The following WDFY3 variants were observed in gnomAD, a reference collection of about 807,000 sequenced individuals.
The protein encoded by WDFY3 is WD repeat and FYVE domain-containing protein 3.
A neutral mutation model predicts 409.6 loss-of-function variants in WDFY3; 66 were observed. That is an observed-to-expected ratio of 0.16 (90% confidence interval 0.13 to 0.20). The LOEUF (loss-of-function observed/expected upper bound fraction) is 0.20, where lower values mean the gene tolerates loss of function less well. Ranked by LOEUF, WDFY3 falls within the 10% of genes least tolerant of loss-of-function variation. The pLI is 1.00. For synonymous variants in WDFY3, 1,521 were observed against 1,537.1 expected, an observed-to-expected ratio of 0.99 and a Z score of 0.25; for missense variants, 3,031 against 4,298.1, an observed-to-expected ratio of 0.71 and a Z score of 8.24.
intron 3 of WDFY3, among the ~76,000 whole-genome samples, chr4:84,889,634 TTC>T (rs1193993808): frequency 1.3e-5 from 2 of 152,328 alleles, no homozygotes; most frequent in East Asian, 3.9e-4. Context: ...GAATTTCAAA[TTC>T]TGTTCCTCCA....
chr4:84,767,296 A>C (rs1043500462), intron 30 of WDFY3, among the ~76,000 whole-genome samples: 8 of 152,176 alleles, frequency 5.3e-5, no homozygotes, highest in African/African-American at 1.7e-4. Context: ...ACTTAGTCAA[A>C]AAATGTGTTT....
At chr4:84,850,926 CTGTTTTTTTTTTTTTTTTT>C (rs1578813147) in intron 4 of WDFY3, among the ~76,000 whole-genome samples, 13 of 32,150 alleles carry the variant, frequency 4.0e-4, no homozygotes, top group East Asian at 1.3e-3. Flanking sequence ...TTTTATTTAT[CTGTTTTTTTTTTTTTTTTT>C]TTTTTTTTTT....
At chr4:84,783,452 A>G (rs1746931591) in intron 24 of WDFY3, among the ~76,000 whole-genome samples, 1 of 152,030 alleles carries the variant, frequency 6.6e-6, no homozygotes, top group Non-Finnish European at 1.5e-5. Flanking sequence ...GGCACTCCAC[A>G]CTCCAGCCTG....
chr4:84,713,715 A>G (rs746370961), intron 50 of WDFY3, among the ~76,000 whole-genome samples: 17 of 152,226 alleles, frequency 1.1e-4, no homozygotes, highest in Non-Finnish European at 1.9e-4. Flanking sequence ...CCTTCAAAGA[A>G]CAAGAGAATG....
chr4:84,820,222 G>T, intron 11 of WDFY3, 36 bp from the exon 12 acceptor site: 1 of 1,505,126 alleles, frequency 6.6e-7, no homozygotes, highest in Non-Finnish European at 9.0e-7. Context: ...TTACAAAAGT[G>T]ATAAGCTTAT....
chr4:84,838,164 A>T (rs894500302), intron 6 of WDFY3, among the ~76,000 whole-genome samples: 34 of 152,234 alleles, frequency 2.2e-4, no homozygotes, highest in African/African-American at 8.2e-4. Flanking sequence ...ACTCCTGACG[A>T]GCCACAATAA....
At chr4:84,881,543 A>G (rs1763531590) in intron 3 of WDFY3, among the ~76,000 whole-genome samples, 1 of 151,830 alleles carries the variant, frequency 6.6e-6, no homozygotes, top group East Asian at 1.9e-4. Context: ...CCAGGAAACA[A>G]CCTAATTGGC....
chr4:84,831,814 G>T (rs1755779245), intron 7 of WDFY3, among the ~76,000 whole-genome samples: 2 of 152,100 alleles, frequency 1.3e-5, no homozygotes, highest in Admixed American at 1.3e-4. Flanking sequence ...AGTTAGAATG[G>T]CTATTATCAA....
chr4:84,906,982 T>C (rs1767128611), intron 2 of WDFY3, among the ~76,000 whole-genome samples: 1 of 152,186 alleles, frequency 6.6e-6, no homozygotes, highest in African/African-American at 2.4e-5. Flanking sequence ...TAAAATTCTT[T>C]ATTATTATTT....
chr4:84,729,682 T>TTA lies in WDFY3; in HGVS notation c.7222-2772_7222-2771insTA, dbSNP rs1736260498. ...CAAAGTTTAAGAAATAAAACTTTAA[T>TTA]GAGTAAAAAAAAAAAATCACCTGAT... On this transcript the variant is annotated intron_variant, in intron 44 of 67. Coordinates refer to ENST00000295888, the MANE Select transcript of WDFY3 (RefSeq NM_014991.6). Among the ~76,000 whole-genome samples the TTA allele has an allele frequency of 1.4e-4, 4 of 28,362 alleles. No homozygotes were observed. In the South Asian group the frequency reaches 7.2e-3, roughly 51 times the overall value. The allele number at this position is 28,362 out of a possible 152,430, so 18.6% of individuals were successfully genotyped here. A position where few individuals can be genotyped will look rare whatever the true frequency, so the allele number is the denominator to read the frequency against.
chr4:84,696,835 G>T lies in WDFY3; in HGVS notation c.8597-12C>A. The stretch of plus-strand genomic sequence containing the variant: ...ATTTTGTTTACAGCCTATGCAATTG[G>T]ATACATTAAAAATAAAAAAAAAGAA... On this transcript the variant is annotated splice_polypyrimidine_tract_variant and intron_variant, in intron 56 of 67. Transcript: ENST00000295888. 1 of 1,604,626 alleles carries T rather than the reference G, an allele frequency of 6.2e-7. No homozygotes were observed. The highest frequency in any genetic ancestry group is 1.3e-5 in the African/African-American group (1 of 74,266).
In WDFY3 at chr4:84,690,591, A is replaced by G. The variant is rs776375575; in HGVS notation, c.9278T>C (p.Val3093Ala). 1 of 1,614,154 alleles carries G rather than the reference A, an allele frequency of 6.2e-7. No individual in the cohort carries two copies. Among genetic ancestry groups the G allele is most frequent in the Non-Finnish European group, 8.5e-7 (1 of 1,180,032 alleles). ...LCAICPNPKL[V>A]ITGGTSTVVC... Reference sequence around the variant, plus strand: ...AACCGTGCTTGTTCCACCCGTGATGACCAGCTTGGGGTTGGGGCAGATTGC... The same window carrying G: ...AACCGTGCTTGTTCCACCCGTGATGGCCAGCTTGGGGTTGGGGCAGATTGC... The change falls in exon 61 of 68, where the codon GTC (valine) becomes GCC (alanine). Residue 3093 changes from valine to alanine, a missense_variant. Transcript: ENST00000295888.
chr4:84,883,318 A>C (rs1293847653), intron 3 of WDFY3, among the ~76,000 whole-genome samples: 1 of 152,162 alleles, frequency 6.6e-6, no homozygotes, highest in African/African-American at 2.4e-5. Context: ...TATTAGGTAA[A>C]TCTATCTGAA....
At chr4:84,673,406 C>T (rs1275520459) in intron 67 of WDFY3, among the ~76,000 whole-genome samples, 2 of 152,044 alleles carry the variant, frequency 1.3e-5, no homozygotes, top group East Asian at 1.9e-4. Flanking sequence ...AACTCACTAG[C>T]GGAAATTAGA....
rs142077761 is a variant in WDFY3, at chr4:84,821,565, G to T, written c.1124-14C>A. 816 of 1,587,512 alleles carry T rather than the reference G, an allele frequency of 5.1e-4. 5 individuals are homozygous for T. In the African/African-American group the frequency reaches 9.8e-3, roughly 19 times the overall value. ...TCACACTGTGACCTAGAACAGAAAA[G>T]AAAAACATAAAAGTAGGTACTATGT... is the stretch of plus-strand genomic sequence containing the variant. On this transcript the variant is annotated splice_polypyrimidine_tract_variant and intron_variant, in intron 10 of 67. Transcript: ENST00000295888.
intron 13 of WDFY3, among the ~76,000 whole-genome samples, chr4:84,813,537 A>G (rs894360267): frequency 2.0e-5 from 3 of 152,170 alleles, no homozygotes; most frequent in African/African-American, 4.8e-5. Flanking sequence ...TCCAATCCAC[A>G]TTCAGTGGCA....
intron 36 of WDFY3, among the ~76,000 whole-genome samples, chr4:84,749,465 C>T (rs533497599): frequency 1.3e-5 from 2 of 152,252 alleles, no homozygotes; most frequent in Admixed American, 6.5e-5. Context: ...CAAAAATACA[C>T]TAAGCCTTAC....
intron 59 of WDFY3, 68 bp downstream of exon 59, chr4:84,692,817 T>C (rs1272097186): frequency 1.7e-5 from 25 of 1,470,846 alleles, no homozygotes; most frequent in Non-Finnish European, 1.9e-5. Flanking sequence ...AAATTTGTTA[T>C]TGTTAAACTG....
chr4:84,811,967 T>C (rs1448868031), intron 13 of WDFY3, among the ~76,000 whole-genome samples: 1 of 152,176 alleles, frequency 6.6e-6, no homozygotes, highest in Non-Finnish European at 1.5e-5. Context: ...AACTTTACCA[T>C]CACATGAGGT....
Sources: gnomAD v4.1 joint callset for allele counts (sites outside exome capture counted in the v4.1 genomes callset) on GRCh38, gnomAD v4.1.1 for gene constraint, MANE v1.5 for transcripts, NCBI Gene and HGNC (gene_info 2026-07-23, HGNC 2026-07-21) for gene names.